Variants in C8orf34 observed in about 807,000 individuals in gnomAD.
The protein encoded by C8orf34 is uncharacterized protein C8orf34.
A neutral mutation model predicts 68.3 loss-of-function variants in C8orf34; 65 were observed. The observed-to-expected ratio is 0.95, with a 90% CI of 0.78 to 1.17. The LOEUF (loss-of-function observed/expected upper bound fraction) is 1.17. Among genes scored for constraint, C8orf34 ranks in the 50% most tolerant of loss-of-function variants. C8orf34 has a pLI of 0.00. For missense variants in C8orf34, 664 were observed against 655.4 expected (o/e 1.01, Z -0.14); for synonymous variants, 244 against 241.2 (o/e 1.01, Z -0.11).
chr8:68,541,447 T>C (rs1388921944), intron 7 of C8orf34, among the ~76,000 whole-genome samples: 1 of 151,644 alleles, frequency 6.6e-6, no homozygotes, highest in Admixed American at 6.6e-5. Context: ...GCCTGGGCAA[T>C]AGAGTGAGAT....
intron 1 of C8orf34, among the ~76,000 whole-genome samples, chr8:68,381,857 CAG>C (rs1003766565): frequency 1.6e-4 from 23 of 146,812 alleles, no homozygotes; most frequent in Non-Finnish European, 2.5e-4. Context: ...AGATTAAAAA[CAG>C]AAAGTAAAAA....
intron 5 of C8orf34, among the ~76,000 whole-genome samples, chr8:68,514,729 C>T (rs1232722316): frequency 1.3e-5 from 2 of 152,154 alleles, no homozygotes; most frequent in African/African-American, 4.8e-5. Flanking sequence ...GACATGGCTA[C>T]CTGGCTTTTG....
At chr8:68,461,773 C>T (rs994703062) in intron 3 of C8orf34, among the ~76,000 whole-genome samples, 1 of 152,146 alleles carries the variant, frequency 6.6e-6, no homozygotes, top group African/African-American at 2.4e-5. Flanking sequence ...GCCTGCCCTA[C>T]AAGAGCTCCT....
intron 1 of C8orf34, among the ~76,000 whole-genome samples, chr8:68,378,077 A>G (rs1335073334): frequency 6.6e-6 from 1 of 152,208 alleles, no homozygotes; most frequent in Non-Finnish European, 1.5e-5. Context: ...GAGATAATTC[A>G]AGATGAAAGT....
chr8:68,579,073 G>A (rs1816987920), intron 7 of C8orf34, among the ~76,000 whole-genome samples: 2 of 152,132 alleles, frequency 1.3e-5, no homozygotes, highest in Admixed American at 1.3e-4. Context: ...TTAAATGGTT[G>A]CTGTTTTAGA....
rs192294714 is a variant in C8orf34, at chr8:68,726,759, G to A, written c.1404+5322G>A. Reference sequence around the variant, plus strand: ...AGAGAGAAAATGAAGAAGCAAAAGCGGAAACCCCTGATAAACCCATCAGAT... The same window carrying A: ...AGAGAGAAAATGAAGAAGCAAAAGCAGAAACCCCTGATAAACCCATCAGAT... On this transcript the variant is annotated intron_variant, in intron 10 of 13. Transcript: ENST00000518698. Among the ~76,000 whole-genome samples, 247 of 152,188 alleles carry A rather than the reference G, an allele frequency of 1.6e-3. 3 individuals carry two copies. Among genetic ancestry groups the A allele is most frequent in the African/African-American group, 5.6e-3 (233 of 41,532 alleles).
At chr8:68,369,350 A>T (rs1351938112) in intron 1 of C8orf34, among the ~76,000 whole-genome samples, 1 of 152,206 alleles carries the variant, frequency 6.6e-6, no homozygotes, top group East Asian at 1.9e-4. Flanking sequence ...ATGCCATTTT[A>T]GCAGATGCCT....
intron 10 of C8orf34, among the ~76,000 whole-genome samples, chr8:68,755,448 A>G (rs567862471): frequency 3.8e-4 from 58 of 152,282 alleles, no homozygotes; most frequent in Middle Eastern, 3.4e-3. Context: ...TGACTATGCT[A>G]TGTTCTTCAT....
intron 7 of C8orf34, among the ~76,000 whole-genome samples, chr8:68,635,423 T>C (rs1402897020): frequency 1.3e-5 from 2 of 152,130 alleles, no homozygotes; most frequent in Admixed American, 1.3e-4. Context: ...AATAAGTCAG[T>C]GTGGTGTGCT....
chr8:68,402,657 A>T (rs931874768), intron 1 of C8orf34, among the ~76,000 whole-genome samples: 1 of 152,122 alleles, frequency 6.6e-6, no homozygotes, highest in Admixed American at 6.6e-5. Flanking sequence ...GTTTACCCGA[A>T]GATTATTCAG....
intron 1 of C8orf34, among the ~76,000 whole-genome samples, chr8:68,353,566 CATAT>C (rs200912607): frequency 1.4e-5 from 2 of 144,634 alleles, no homozygotes; most frequent in African/African-American, 2.5e-5. Context: ...TGTGTGTGTG[CATAT>C]ATATATATAC....
chr8:68,636,341 C>A (rs1330313570), intron 7 of C8orf34, among the ~76,000 whole-genome samples: 1 of 151,480 alleles, frequency 6.6e-6, no homozygotes, highest in Non-Finnish European at 1.5e-5. Context: ...TTTGTGAGGG[C>A]AAGGTGGGCA....
chr8:68,435,817 A>C (rs1193651006), intron 1 of C8orf34, among the ~76,000 whole-genome samples: 3 of 152,204 alleles, frequency 2.0e-5, no homozygotes, highest in African/African-American at 7.2e-5. Context: ...TCGTTATCTT[A>C]TTTAATCTCC....
chr8:68,516,522 C>T (rs957556022), intron 5 of C8orf34, among the ~76,000 whole-genome samples: 2 of 152,122 alleles, frequency 1.3e-5, no homozygotes, highest in Non-Finnish European at 2.9e-5. Flanking sequence ...GAGAGAGAGC[C>T]TAGGACAAGG....
intron 9 of C8orf34, among the ~76,000 whole-genome samples, chr8:68,716,877 G>T (rs910272806): frequency 6.6e-6 from 1 of 151,802 alleles, no homozygotes; most frequent in Non-Finnish European, 1.5e-5. Flanking sequence ...ATTTTTTTAT[G>T]CAGTAGAAAC....
At chr8:68,642,127 T>C (rs1329997276) in intron 8 of C8orf34, among the ~76,000 whole-genome samples, 1 of 152,180 alleles carries the variant, frequency 6.6e-6, no homozygotes, top group Non-Finnish European at 1.5e-5. Flanking sequence ...GCAGCATAGG[T>C]TGACAGTCTA....
chr8:68,602,650 G>T (rs1401127967), intron 7 of C8orf34, among the ~76,000 whole-genome samples: 1 of 152,066 alleles, frequency 6.6e-6, no homozygotes, highest in African/African-American at 2.4e-5. Context: ...AACCATATGA[G>T]GAAGTAAAGC....
intron 10 of C8orf34, among the ~76,000 whole-genome samples, chr8:68,732,018 T>C (rs1344776529): frequency 1.3e-5 from 2 of 152,234 alleles, no homozygotes; most frequent in Non-Finnish European, 2.9e-5. Flanking sequence ...AATATTGTTA[T>C]TTCCTTTATT....
intron 7 of C8orf34, among the ~76,000 whole-genome samples, chr8:68,623,724 T>TA (rs1398662779): frequency 6.6e-6 from 1 of 152,034 alleles, no homozygotes; most frequent in Non-Finnish European, 1.5e-5. Context: ...TCTTTTTTTT[T>TA]AATCCTTGGG....
Sources: gnomAD v4.1 joint callset for allele counts (sites outside exome capture counted in the v4.1 genomes callset) on GRCh38, gnomAD v4.1.1 for gene constraint, MANE v1.5 for transcripts, NCBI Gene and HGNC (gene_info 2026-07-23, HGNC 2026-07-21) for gene names.